Variants in PHF21A observed in about 807,000 individuals in gnomAD.
PHF21A encodes the protein PHD finger protein 21A, also known as BHC80a.
In PHF21A, 11 loss-of-function variants were observed where a neutral mutation model predicts 82.5. The ratio of observed to expected loss-of-function variants is 0.13; its 90% CI spans 0.08 to 0.22. The LOEUF is 0.22. PHF21A is among the 10% of genes least tolerant of loss of function. PHF21A has a pLI of 1.00. For synonymous variants in PHF21A, 297 were observed against 302.8 expected (o/e 0.98, Z 0.20); for missense variants, 579 against 837.8 (o/e 0.69, Z 3.81).
chr11:46,006,876 CAA>C (rs1300514778), intron 6 of PHF21A, among the ~76,000 whole-genome samples: 1 of 152,134 alleles, frequency 6.6e-6, no homozygotes, highest in African/African-American at 2.4e-5. Context: ...CAGGTACTAA[CAA>C]TATGTATTTT....
At chr11:46,044,179 A>C (rs1387721583) in intron 6 of PHF21A, among the ~76,000 whole-genome samples, 3 of 152,170 alleles carry the variant, frequency 2.0e-5, no homozygotes, top group Admixed American at 6.6e-5. Context: ...AACACAAGAC[A>C]CAGGAAAACA....
intron 1 of PHF21A, among the ~76,000 whole-genome samples, chr11:46,109,944 G>T (rs2097193112): frequency 6.7e-6 from 1 of 148,746 alleles, no homozygotes; most frequent in Non-Finnish European, 1.5e-5. Context: ...TGGCCCCCCT[G>T]CACTCCAGCC....
At chr11:46,107,312 A>G (rs1304696477) in intron 1 of PHF21A, among the ~76,000 whole-genome samples, 2 of 152,254 alleles carry the variant, frequency 1.3e-5, no homozygotes, top group Non-Finnish European at 1.5e-5. Context: ...TAACTTAGTC[A>G]AATTCTTGTC....
chr11:46,025,394 T>C (rs2138043150), intron 6 of PHF21A, among the ~76,000 whole-genome samples: 1 of 152,352 alleles, frequency 6.6e-6, no homozygotes, highest in Non-Finnish European at 1.5e-5. Context: ...TCTGATGAAG[T>C]AGATATCCCC....
At chr11:46,066,959 C>T (rs537921526) in intron 6 of PHF21A, among the ~76,000 whole-genome samples, 3 of 152,262 alleles carry the variant, frequency 2.0e-5, no homozygotes, top group East Asian at 3.9e-4. Context: ...GTCTGTTTTA[C>T]AATTTGCTTT....
chr11:46,107,945 C>T (rs577108807), intron 1 of PHF21A, among the ~76,000 whole-genome samples: 90 of 152,172 alleles, frequency 5.9e-4, no homozygotes, highest in Non-Finnish European at 7.4e-4. Flanking sequence ...ATGAGGTCAG[C>T]CCACACTACT....
chr11:46,103,369 G>C (rs1008871776), intron 1 of PHF21A, among the ~76,000 whole-genome samples: 1 of 152,016 alleles, frequency 6.6e-6, no homozygotes, highest in Non-Finnish European at 1.5e-5. Context: ...TTACCTACTG[G>C]TCACTCTATT....
At chr11:45,985,252 G>A (rs778384121) in intron 6 of PHF21A, among the ~76,000 whole-genome samples, 23 of 152,208 alleles carry the variant, frequency 1.5e-4, no homozygotes, top group Non-Finnish European at 2.5e-4. Context: ...GAGGATGCAG[G>A]AAGGAGACAG....
intron 15 of PHF21A, among the ~76,000 whole-genome samples, chr11:45,941,166 T>C (rs184697579): frequency 1.3e-5 from 2 of 152,244 alleles, no homozygotes; most frequent in East Asian, 3.9e-4. Flanking sequence ...TGCTGTGATC[T>C]TGGCTTACTG....
intron 6 of PHF21A, among the ~76,000 whole-genome samples, chr11:46,074,806 A>G (rs2096707585): frequency 2.0e-5 from 3 of 152,214 alleles, no homozygotes; most frequent in African/African-American, 7.2e-5. Context: ...CCTGGCCAAT[A>G]AAACTATTCT....
intron 6 of PHF21A, among the ~76,000 whole-genome samples, chr11:46,029,483 T>C (rs1050997430): frequency 5.3e-5 from 8 of 151,324 alleles, no homozygotes; most frequent in African/African-American, 1.7e-4. Flanking sequence ...AGATCAGGAG[T>C]TCAAGACCAG....
intron 5 of PHF21A, among the ~76,000 whole-genome samples, chr11:46,078,881 T>A (rs1483857341): frequency 6.6e-6 from 1 of 152,094 alleles, no homozygotes; most frequent in East Asian, 1.9e-4. Context: ...TCAATATTTT[T>A]CTCTAAAATA....
chr11:46,023,928 C>T (rs957051378), intron 6 of PHF21A, among the ~76,000 whole-genome samples: 2 of 152,216 alleles, frequency 1.3e-5, no homozygotes, highest in African/African-American at 2.4e-5. Flanking sequence ...TGCACTCCAT[C>T]CTGGGCGACA....
At chr11:46,098,161 C>T (rs2097028433) in intron 1 of PHF21A, among the ~76,000 whole-genome samples, 1 of 152,094 alleles carries the variant, frequency 6.6e-6, no homozygotes, top group Non-Finnish European at 1.5e-5. Flanking sequence ...AACAGAGGTC[C>T]AAGAAGTCCA....
At chr11:45,949,323 G>T in intron 13 of PHF21A, 79 bp downstream of exon 13, 3 of 1,179,660 alleles carry the variant, frequency 2.5e-6, no homozygotes, top group Non-Finnish European at 1.3e-6. Context: ...TCTTCAGCAG[G>T]TTTTCAGAGG....
chr11:45,999,871 CTT>C lies in PHF21A; in HGVS notation c.154-19907_154-19906del, dbSNP rs1470892032. ...TATATAGAAACATCGTAACTTTTCT[CTT>C]GAGGATGAGGCATAGCAGTGGTGAA... is the stretch of plus-strand genomic sequence containing the variant. On this transcript the variant is annotated intron_variant, in intron 6 of 18. Coordinates refer to ENST00000676320, the MANE Select transcript of PHF21A (RefSeq NM_001352027.3). Among the ~76,000 whole-genome samples, 9 of 152,330 alleles carry C rather than the reference CTT, an allele frequency of 5.9e-5. 1 individual carries two copies. In the South Asian group the frequency reaches 6.2e-4, roughly 11 times the overall value.
At chr11:46,017,978 C>T (rs1453730744) in intron 6 of PHF21A, among the ~76,000 whole-genome samples, 1 of 152,024 alleles carries the variant, frequency 6.6e-6, no homozygotes, top group Non-Finnish European at 1.5e-5. Flanking sequence ...AGGCCGGGCG[C>T]GGTGGCTCAC....
intron 1 of PHF21A, among the ~76,000 whole-genome samples, chr11:46,099,362 T>A (rs1332617554): frequency 6.6e-6 from 1 of 152,096 alleles, no homozygotes; most frequent in Non-Finnish European, 1.5e-5. Flanking sequence ...TACTTCCAGA[T>A]AAATGGACAG....
intron 6 of PHF21A, among the ~76,000 whole-genome samples, chr11:46,065,688 T>C (rs2096585642): frequency 6.6e-6 from 1 of 152,234 alleles, no homozygotes; most frequent in African/African-American, 2.4e-5. Context: ...ACAAAGCCTG[T>C]CAGTGACTAG....
Sources: gnomAD v4.1 joint callset for allele counts (sites outside exome capture counted in the v4.1 genomes callset) on GRCh38, gnomAD v4.1.1 for gene constraint, MANE v1.5 for transcripts, NCBI Gene and HGNC (gene_info 2026-07-23, HGNC 2026-07-21) for gene names.